Variants in P3H2 observed in about 807,000 individuals in gnomAD.
P3H2 encodes the protein leprecan-like 1.
P3H2 carries 80 observed loss-of-function variants against 87.0 expected under a neutral mutation model. The ratio of observed to expected loss-of-function variants is 0.92; its 90% CI spans 0.77 to 1.11. The LOEUF (loss-of-function observed/expected upper bound fraction) is 1.11, where lower values mean the gene tolerates loss of function less well. Among genes scored for constraint, P3H2 ranks in the 50% least tolerant of loss-of-function variants. The pLI, the probability that P3H2 is intolerant of heterozygous loss-of-function variation, is 0.00. For synonymous variants in P3H2, 367 were observed against 359.3 expected (o/e 1.02, Z -0.24); for missense variants, 1,001 against 923.9 (o/e 1.08, Z -1.08).
chr3:189,975,591 GAAGAT>G (rs1416678530), intron 8 of P3H2, among the ~76,000 whole-genome samples: 1 of 152,164 alleles, frequency 6.6e-6, no homozygotes, highest in African/African-American at 2.4e-5. Flanking sequence ...AGCAACAGCC[GAAGAT>G]AAGACAGCAG....
chr3:189,970,849 G>A lies in P3H2; in HGVS notation c.1860C>T (p.Phe620=), dbSNP rs370201984. The A allele has an allele frequency of 4.4e-6, 7 of 1,591,344 alleles. No individual in the cohort carries two copies. Among genetic ancestry groups the A allele is most frequent in the Non-Finnish European group, 6.0e-6 (7 of 1,159,556 alleles). The change falls in exon 13 of 15, where the codon TTC becomes TTT. Residue 620 remains phenylalanine, a synonymous_variant. Transcript: ENST00000319332. Reference sequence around the variant, plus strand: ...TCTTAGCATCCATCTCTGTGAATATGAATTCTCCTCCTTCAAAGTCATCAT... The same window carrying A: ...TCTTAGCATCCATCTCTGTGAATATAAATTCTCCTCCTTCAAAGTCATCAT... ...YMNDDFEGGE[F]IFTEMDAKTV...
In P3H2 at chr3:189,995,309, C is replaced by G; in HGVS notation, c.614G>C (p.Arg205Thr). The change falls in exon 2 of 15, where the codon AGA becomes ACA. Residue 205 changes from arginine (R) to threonine (T), a missense_variant. Physicochemically the swap from Arg to Thr is moderately conservative, Grantham distance 71. Coordinates refer to ENST00000319332, the MANE Select transcript of P3H2 (RefSeq NM_018192.4). Reference protein sequence around the residue: ...AGVEALQLVDREAKPHMESYN... With the variant: ...AGVEALQLVDTEAKPHMESYN... ...GCTTACCATGTGTGGCTTGGCTTCTCTGTCTACCAACTGCAATGCTTCAAC... is the reference window on the plus strand; with the variant it reads ...GCTTACCATGTGTGGCTTGGCTTCTGTGTCTACCAACTGCAATGCTTCAAC... 1 of 1,614,108 alleles carries G rather than the reference C, an allele frequency of 6.2e-7. No individual in the cohort carries two copies. The highest frequency in any genetic ancestry group is 8.5e-7 in the Non-Finnish European group (1 of 1,180,018).
intron 11 of P3H2, 90 bp from the exon 12 acceptor site, chr3:189,972,097 T>A (rs761611735): frequency 1.2e-6 from 1 of 831,374 alleles, no homozygotes; most frequent in Non-Finnish European, 2.1e-6. Flanking sequence ...CCAGTCCTGA[T>A]GATCTTTGCA....
intron 1 of P3H2, among the ~76,000 whole-genome samples, chr3:190,094,008 T>C (rs1577320394): frequency 2.0e-5 from 1 of 49,828 alleles, no homozygotes. Flanking sequence ...GCTATGTAGC[T>C]AGCATGAACT....
chr3:190,097,244 AT>A (rs63120162), intron 1 of P3H2, among the ~76,000 whole-genome samples: 27,356 of 152,164 alleles, frequency 0.18, 2,868 homozygotes, highest in Non-Finnish European at 0.24. Flanking sequence ...GCTGGAACAT[AT>A]CATGCAAGTA....
Position 190,089,298 on chromosome 3 carries a change from A to G in P3H2, c.480+30954T>C, listed in dbSNP as rs375240853. Among the ~76,000 whole-genome samples the G allele has an allele frequency of 1.8e-4, 28 of 152,318 alleles. 1 individual carries two copies. In the East Asian group the frequency reaches 3.7e-3, roughly 20 times the overall value. ...ACGAGTTAATGGGTGCAGCACACCA[A>G]CATAGCACATGTATACATATGTAAC... On this transcript the variant is annotated intron_variant, in intron 1 of 14. Coordinates refer to ENST00000319332, the MANE Select transcript of P3H2 (RefSeq NM_018192.4).
rs759221479 is a variant in P3H2 at position 189,983,081 on chromosome 3, T to C, written c.1289A>G (p.Lys430Arg). 20 of 1,613,408 alleles carry C rather than the reference T, an allele frequency of 1.2e-5. No homozygotes were observed. In the South Asian group the frequency reaches 2.2e-4, roughly 18 times the overall value. The change falls in exon 8 of 15, where the codon AAG becomes AGG. Residue 430 changes from lysine to arginine, a missense_variant. Physicochemically the swap from Lys to Arg is conservative, Grantham distance 26. Transcript: ENST00000319332. Reference protein sequence around the residue: ...AEVHGFSMGKKLSPKIDRDLR... With the variant: ...AEVHGFSMGKRLSPKIDRDLR... ...GTCTCGATCTATCTTGGGTGATAGC[T>C]TTTTTCCCATTGAGAATCCATGAAC...
intron 1 of P3H2, among the ~76,000 whole-genome samples, chr3:190,005,423 A>C (rs1303106184): frequency 6.6e-6 from 1 of 152,232 alleles, no homozygotes; most frequent in Non-Finnish European, 1.5e-5. Flanking sequence ...ATAACACTGA[A>C]AATAGCTTGG....
chr3:190,063,249 C>T (rs1172281951), intron 1 of P3H2, among the ~76,000 whole-genome samples: 2 of 152,092 alleles, frequency 1.3e-5, no homozygotes, highest in African/African-American at 4.8e-5. Context: ...ATAGCAAGGG[C>T]TGTGGATTAT....
chr3:190,061,515 T>C (rs796706288), intron 1 of P3H2, among the ~76,000 whole-genome samples: 9 of 152,140 alleles, frequency 5.9e-5, no homozygotes, highest in African/African-American at 2.2e-4. Context: ...AACTTCAGAG[T>C]TAAAAACAGG....
intron 5 of P3H2, among the ~76,000 whole-genome samples, chr3:189,987,323 T>A (rs1254108775): frequency 6.6e-6 from 1 of 150,632 alleles, no homozygotes; most frequent in Non-Finnish European, 1.5e-5. Context: ...AAAAAAAAAA[T>A]ACAAAATTAG....
chr3:189,989,185 C>T, intron 3 of P3H2, 147 bp from the exon 4 acceptor site: 1 of 967,680 alleles, frequency 1.0e-6, no homozygotes, highest in Admixed American at 2.1e-5. Context: ...ACTGCAAAAC[C>T]TTTTTACAAA....
At chr3:190,061,676 T>G (rs1298699184) in intron 1 of P3H2, among the ~76,000 whole-genome samples, 1 of 152,154 alleles carries the variant, frequency 6.6e-6, no homozygotes. Context: ...TCATATCCCT[T>G]AGCCTTGCCT....
intron 1 of P3H2, among the ~76,000 whole-genome samples, chr3:190,110,233 T>C (rs1712018355): frequency 6.6e-6 from 1 of 152,172 alleles, no homozygotes; most frequent in Admixed American, 6.5e-5. Flanking sequence ...TTTTGCAATA[T>C]ATGGAGACAT....
In P3H2 at chr3:189,964,018, G is replaced by A. The variant is rs370522271; in HGVS notation, c.1974C>T (p.Thr658=). 2 of 1,614,008 alleles carry A rather than the reference G, an allele frequency of 1.2e-6. No individual in the cohort carries two copies. Among genetic ancestry groups the A allele is most frequent in the African/African-American group, 2.7e-5 (2 of 74,914 alleles). Residue 658 remains threonine (T), a synonymous_variant, in exon 14 of 15, where the codon ACC becomes ACT. Transcript: ENST00000319332. ...GENPHGVKAV[T]KGKRCAVALW... is the part of the protein sequence containing the mutation. Reference sequence around the variant, plus strand: ...GAGCCACAGCACACCTCTTTCCCTTGGTGACTGCCTTCACCCCATGAGGGT... The same window carrying A: ...GAGCCACAGCACACCTCTTTCCCTTAGTGACTGCCTTCACCCCATGAGGGT...
At chr3:190,116,725 G>A (rs2108527858) in intron 1 of P3H2, 1 of 152,270 alleles carries the variant, frequency 6.6e-6, no homozygotes, top group Non-Finnish European at 1.5e-5. Context: ...AGAATGCAAT[G>A]ATAAAAGCTA....
At chr3:190,059,138 A>C (rs1726258084) in intron 1 of P3H2, among the ~76,000 whole-genome samples, 2 of 152,160 alleles carry the variant, frequency 1.3e-5, no homozygotes, top group South Asian at 4.1e-4. Flanking sequence ...GTGAGGCTGC[A>C]GTAGCTTCCT....
At chr3:190,068,685 T>C (rs1726595098) in intron 1 of P3H2, among the ~76,000 whole-genome samples, 1 of 152,068 alleles carries the variant, frequency 6.6e-6, no homozygotes, top group South Asian at 2.1e-4. Flanking sequence ...GACAGAGCTG[T>C]TTCCTAAAAG....
In P3H2 at chr3:190,083,679, C is replaced by T. The variant is rs149942445; in HGVS notation, c.480+36573G>A. On this transcript the variant is annotated intron_variant, in intron 1 of 14. Coordinates refer to ENST00000319332, the MANE Select transcript of P3H2 (RefSeq NM_018192.4). ...TGAGTATAAGAATCCCCTAGTCACCCATTGATATTTAATCCATTCTCAAAT... is the reference window on the plus strand; with the variant it reads ...TGAGTATAAGAATCCCCTAGTCACCTATTGATATTTAATCCATTCTCAAAT... Among the ~76,000 whole-genome samples, 319 of 152,296 alleles carry T rather than the reference C, an allele frequency of 2.1e-3. 1 individual carries two copies. Among genetic ancestry groups the T allele is most frequent in the African/African-American group, 7.0e-3 (292 of 41,568 alleles).
Sources: gnomAD v4.1 joint callset for allele counts (sites outside exome capture counted in the v4.1 genomes callset) on GRCh38, gnomAD v4.1.1 for gene constraint, MANE v1.5 for transcripts, NCBI Gene and HGNC (gene_info 2026-07-23, HGNC 2026-07-21) for gene names.